The following DIO1 variants were observed in gnomAD, a reference collection of about 807,000 sequenced individuals.
The protein encoded by DIO1 is iodothyronine deiodinase 1, also known as type I iodothyronine deiodinase.
A neutral mutation model predicts 25.9 loss-of-function variants in DIO1; 17 were observed. The ratio of observed to expected loss-of-function variants is 0.66; its 90% CI spans 0.45 to 0.98. The LOEUF (loss-of-function observed/expected upper bound fraction) is 0.98, where lower values mean the gene tolerates loss of function less well. Ranked by LOEUF, DIO1 falls within the 50% of genes least tolerant of loss-of-function variation. DIO1 has a pLI of 0.00. For missense variants in DIO1, 270 were observed against 310.4 expected, an observed-to-expected ratio of 0.87 and a Z score of 0.98; for synonymous variants, 115 against 114.0, an observed-to-expected ratio of 1.01 and a Z score of -0.05.
At chr1:53,897,236 G>A (rs745628686) in intron 1 of DIO1, among the ~76,000 whole-genome samples, 5 of 152,192 alleles carry the variant, frequency 3.3e-5, no homozygotes, top group Admixed American at 6.5e-5. Flanking sequence ...AGCACTTTGG[G>A]AGGCTGAGGC....
chr1:53,904,647 A>G lies in DIO1; in HGVS notation c.338-19A>G. 1 of 1,609,628 alleles carries G rather than the reference A, an allele frequency of 6.2e-7. No homozygotes were observed. The highest frequency in any genetic ancestry group is 8.5e-7 in the Non-Finnish European group (1 of 1,178,402). On this transcript the variant is annotated intron_variant, in intron 1 of 3. Coordinates refer to ENST00000361921, the MANE Select transcript of DIO1 (RefSeq NM_000792.7). ...GCTGTGTGTAGGGTCTCAGTTTGTG[A>G]TGGTTGTTGCTGTTTCAGGTAATAG...
chr1:53,897,839 T>C (rs764855652), intron 1 of DIO1, among the ~76,000 whole-genome samples: 56 of 152,190 alleles, frequency 3.7e-4, no homozygotes, highest in Non-Finnish European at 6.8e-4. Flanking sequence ...GTAACAGAGT[T>C]AAGACCTTGT....
At chr1:53,895,811 C>T (rs1326523571) in intron 1 of DIO1, among the ~76,000 whole-genome samples, 1 of 152,242 alleles carries the variant, frequency 6.6e-6, no homozygotes, top group Non-Finnish European at 1.5e-5. Context: ...ATCTCTTGTA[C>T]TTTCCCTTGT....
intron 1 of DIO1, among the ~76,000 whole-genome samples, chr1:53,900,568 C>A (rs1651306641): frequency 6.6e-6 from 1 of 152,138 alleles, no homozygotes; most frequent in African/African-American, 2.4e-5. Flanking sequence ...CACGTTTTTG[C>A]ACTACAGCCT....
intron 1 of DIO1, 146 bp from the exon 2 acceptor site, chr1:53,904,520 T>C (rs1009516444): frequency 1.2e-6 from 1 of 866,110 alleles, no homozygotes; most frequent in Non-Finnish European, 1.8e-6. Context: ...GCTCTCTAGG[T>C]GTCGGACCCC....
chr1:53,905,793 T>G (rs548930394), intron 2 of DIO1, among the ~76,000 whole-genome samples: 1 of 152,180 alleles, frequency 6.6e-6, no homozygotes, highest in Non-Finnish European at 1.5e-5. Context: ...ACAGACCGAA[T>G]CAGAATCTTC....
chr1:53,905,738 G>A (rs1651621190), intron 2 of DIO1, among the ~76,000 whole-genome samples: 1 of 152,220 alleles, frequency 6.6e-6, no homozygotes, highest in Non-Finnish European at 1.5e-5. Context: ...GGCGCCAGCA[G>A]TCTTGGCATC....
rs754392287 is a variant in DIO1, at chr1:53,894,439, G to T, written c.229G>T (p.Val77Phe). The change falls in exon 1 of 4, where the codon GTC becomes TTC. Residue 77 changes from valine to phenylalanine, a missense_variant. Physicochemically the swap from Val to Phe is conservative, Grantham distance 50. Transcript: ENST00000361921. This position sits in a 1 kb window ranked among gnomAD's most constrained non-coding sequence, Gnocchi z 4.9. ...CCAGTATTTCTGGTTCGTCTTGAAG[G>T]TCCGTTGGCAGCGACTAGAGGACAC... ...STQYFWFVLK[V>F]RWQRLEDTTE... The T allele has an allele frequency of 6.2e-7, 1 of 1,614,224 alleles. No homozygotes were observed. Among genetic ancestry groups the T allele is most frequent in the Non-Finnish European group, 8.5e-7 (1 of 1,180,040 alleles).
At chr1:53,906,901 G>A (rs190749893) in intron 3 of DIO1, among the ~76,000 whole-genome samples, 14 of 152,306 alleles carry the variant, frequency 9.2e-5, no homozygotes, top group South Asian at 4.1e-4. Context: ...TGATCTGCCC[G>A]CCTTGGCCTC....
chr1:53,901,011 T>TTC (rs1553157980), intron 1 of DIO1, among the ~76,000 whole-genome samples: 6 of 139,022 alleles, frequency 4.3e-5, no homozygotes, highest in Non-Finnish European at 6.1e-5. Context: ...TTTTTTTTTT[T>TTC]CAGAGATAAG....
chr1:53,899,067 T>A (rs1651227797), intron 1 of DIO1, among the ~76,000 whole-genome samples: 1 of 152,162 alleles, frequency 6.6e-6, no homozygotes, highest in Non-Finnish European at 1.5e-5. Flanking sequence ...TCCAGCCCTC[T>A]GTGCGTCCAC....
At chr1:53,909,892 C>T (rs1163738003) in intron 3 of DIO1, 39 bp from the exon 4 acceptor site, 1 of 1,600,354 alleles carries the variant, frequency 6.2e-7, no homozygotes, top group Middle Eastern at 1.7e-4. Context: ...ACTTGGAAAT[C>T]CTTACAAGTT....
intron 1 of DIO1, among the ~76,000 whole-genome samples, chr1:53,901,330 A>G (rs1477756171): frequency 1.3e-5 from 2 of 152,092 alleles, no homozygotes; most frequent in East Asian, 1.9e-4. Flanking sequence ...TCACACACAC[A>G]TATGTACATA....
chr1:53,904,461 C>A (rs919559176), intron 1 of DIO1, among the ~76,000 whole-genome samples: 1 of 152,166 alleles, frequency 6.6e-6, no homozygotes, highest in South Asian at 2.1e-4. Flanking sequence ...CCTAAAAAAA[C>A]CTCTCATTTT....
chr1:53,894,288 T>A lies in DIO1; in HGVS notation c.78T>A (p.Gly26=). 1 of 1,614,182 alleles carries A rather than the reference T, an allele frequency of 6.2e-7. No individual in the cohort carries two copies. Among genetic ancestry groups the A allele is most frequent in the African/African-American group, 1.3e-5 (1 of 75,042 alleles). Reference sequence around the variant, plus strand: ...AGGTGGCTGTGCATGTGGTCGTGGGTAAAGTGCTTCTGATATTGTTTCCAG... The same window carrying A: ...AGGTGGCTGTGCATGTGGTCGTGGGAAAAGTGCTTCTGATATTGTTTCCAG... ...LLEVAVHVVV[G]KVLLILFPDR... is the part of the protein sequence containing the mutation. The change falls in exon 1 of 4, where the codon GGT becomes GGA. Residue 26 remains glycine, a synonymous_variant. Coordinates refer to ENST00000361921, the MANE Select transcript of DIO1 (RefSeq NM_000792.7). The surrounding 1 kb of genome is among the most constrained non-coding windows in gnomAD (Gnocchi z 4.9).
chr1:53,902,970 G>A (rs1298927507), intron 1 of DIO1: 1 of 151,936 alleles, frequency 6.6e-6, no homozygotes, highest in African/African-American at 2.4e-5. Flanking sequence ...TGAGGACTTG[G>A]AGCCTCTGCT....
intron 2 of DIO1, among the ~76,000 whole-genome samples, chr1:53,905,507 A>G (rs1223540869): frequency 2.6e-5 from 4 of 152,192 alleles, no homozygotes; most frequent in Non-Finnish European, 5.9e-5. Context: ...CACTGTGGTG[A>G]AGAATTAGGA....
At chr1:53,908,159 T>G (rs1224797363) in intron 3 of DIO1, among the ~76,000 whole-genome samples, 1 of 151,486 alleles carries the variant, frequency 6.6e-6, no homozygotes, top group Non-Finnish European at 1.5e-5. Context: ...GAGGCGGAGG[T>G]TGCAGTGAGC....
At chr1:53,900,281 T>C (rs1651286904) in intron 1 of DIO1, among the ~76,000 whole-genome samples, 1 of 151,630 alleles carries the variant, frequency 6.6e-6, no homozygotes, top group Non-Finnish European at 1.5e-5. Context: ...TTTCCCCTCC[T>C]GTTCTACACC....
Sources: gnomAD v4.1 joint callset for allele counts (sites outside exome capture counted in the v4.1 genomes callset) on GRCh38, gnomAD v4.1.1 for gene constraint, Gnocchi (gnomAD v3.1) non-coding constraint, MANE v1.5 for transcripts, NCBI Gene and HGNC (gene_info 2026-07-23, HGNC 2026-07-21) for gene names.